The following LUZP1 variants were observed in gnomAD, a reference collection of about 807,000 sequenced individuals.
LUZP1 encodes filamin mechanobinding actin cross-linking protein.
Under a neutral mutation model 71.3 loss-of-function variants are expected in LUZP1, and 25 were observed. The observed-to-expected ratio is 0.35, with a 90% CI of 0.26 to 0.49. The LOEUF is 0.49. Among genes scored for constraint, LUZP1 ranks in the 20% least tolerant of loss-of-function variants. The pLI, the probability that LUZP1 is intolerant of heterozygous loss-of-function variation, is 0.99. For synonymous variants in LUZP1, 481 were observed against 506.4 expected (o/e 0.95, Z 0.67); for missense variants, 1,142 against 1,300.8 (o/e 0.88, Z 1.88).
At chr1:23,121,324 T>A (rs1289882462) in intron 2 of LUZP1, among the ~76,000 whole-genome samples, 1 of 152,240 alleles carries the variant, frequency 6.6e-6, no homozygotes, top group Non-Finnish European at 1.5e-5. Context: ...CATCTTCTAG[T>A]TAATTTACAT....
exon 4 of LUZP1, chr1:23,092,216 T>C: frequency 6.2e-7 from 1 of 1,614,190 alleles, no homozygotes; most frequent in Non-Finnish European, 8.5e-7. Flanking sequence ...GTTTGGGCTC[T>C]GGCTCTGGAG....
chr1:23,173,478 C>G (rs1471444049), intron 1 of LUZP1, among the ~76,000 whole-genome samples: 2 of 150,780 alleles, frequency 1.3e-5, no homozygotes, highest in Admixed American at 1.3e-4. Flanking sequence ...CTCAGCCTCC[C>G]AAGTAGCTGG....
At chr1:23,098,638 C>T (rs1263244563) in intron 3 of LUZP1, among the ~76,000 whole-genome samples, 6 of 151,998 alleles carry the variant, frequency 3.9e-5, no homozygotes, top group African/African-American at 9.7e-5. Context: ...CTCAGGGCGT[C>T]GACAGACGGC....
intron 2 of LUZP1, among the ~76,000 whole-genome samples, chr1:23,160,382 C>T (rs1002208378): frequency 1.1e-4 from 16 of 152,124 alleles, no homozygotes; most frequent in African/African-American, 3.9e-4. Flanking sequence ...TTAGTAATTC[C>T]AATCTGAGAA....
intron 2 of LUZP1, among the ~76,000 whole-genome samples, chr1:23,119,519 T>G (rs1248019132): frequency 6.6e-6 from 1 of 152,172 alleles, no homozygotes; most frequent in Non-Finnish European, 1.5e-5. Context: ...AGATATCTCT[T>G]ACAACTTTTA....
intron 3 of LUZP1, among the ~76,000 whole-genome samples, chr1:23,108,718 T>C (rs1403732671): frequency 6.6e-6 from 1 of 152,228 alleles, no homozygotes; most frequent in African/African-American, 2.4e-5. Context: ...CAACAGTACT[T>C]ACCTCACAGG....
At chr1:23,112,142 AC>A (rs1569590254) in intron 2 of LUZP1, among the ~76,000 whole-genome samples, 1 of 152,224 alleles carries the variant, frequency 6.6e-6, no homozygotes, top group Non-Finnish European at 1.5e-5. Context: ...GTAAGCAGTA[AC>A]TGATTTCTTT....
At chr1:23,156,216 C>A (rs112711345) in intron 2 of LUZP1, among the ~76,000 whole-genome samples, 69 of 151,988 alleles carry the variant, frequency 4.5e-4, no homozygotes, top group African/African-American at 1.6e-3. Context: ...CCTGTCTCTA[C>A]TAAAAATACA....
At chr1:23,171,450 C>T (rs573748893) in intron 1 of LUZP1, among the ~76,000 whole-genome samples, 1 of 152,216 alleles carries the variant, frequency 6.6e-6, no homozygotes, top group African/African-American at 2.4e-5. Flanking sequence ...ACAGCTGACC[C>T]ATTTCTGCTT....
At position 23,091,239 on chromosome 1, in the gene LUZP1, C is replaced by T. The variant is rs148668095; in HGVS notation, c.3023G>A (p.Arg1008Gln). The T allele has an allele frequency of 3.7e-5, 60 of 1,613,408 alleles. No homozygotes were observed. The highest frequency in any genetic ancestry group is 2.5e-4 in the African/African-American group (19 of 74,888). Residue 1008 changes from arginine (R) to glutamine (Q), a missense_variant, in exon 4 of 5, where the codon CGG becomes CAG. Physicochemically the swap from Arg to Gln is conservative, Grantham distance 43. Transcript: ENST00000302291. ...TGCGACAGTGATGGTGTCTCCTACC[C>T]GATTCCGACGGGTAAGCACCTCTGA...
At chr1:23,134,373 T>G (rs1417626441) in intron 2 of LUZP1, among the ~76,000 whole-genome samples, 1 of 151,738 alleles carries the variant, frequency 6.6e-6, no homozygotes, top group Admixed American at 6.6e-5. Context: ...ACCCAGCTAC[T>G]CAGGAGGCTA....
At chr1:23,167,997 T>G (rs1644524062) in intron 2 of LUZP1, among the ~76,000 whole-genome samples, 1 of 150,884 alleles carries the variant, frequency 6.6e-6, no homozygotes, top group Non-Finnish European at 1.5e-5. Flanking sequence ...CCCTGCAGAT[T>G]CCACCATTAA....
At chr1:23,099,904 C>T (rs1398903869) in intron 3 of LUZP1, among the ~76,000 whole-genome samples, 1 of 152,188 alleles carries the variant, frequency 6.6e-6, no homozygotes, top group Admixed American at 6.5e-5. Context: ...CCCCGCCAGC[C>T]TCTTCATCTA....
At chr1:23,087,362 T>C (rs1336386153) in exon 5 of LUZP1, 1 of 152,176 alleles carries the variant, frequency 6.6e-6, no homozygotes, top group East Asian at 1.9e-4. Context: ...AATCATCCCA[T>C]ACTATTATAG....
At chr1:23,144,452 T>C (rs1336522580) in intron 2 of LUZP1, among the ~76,000 whole-genome samples, 2 of 152,206 alleles carry the variant, frequency 1.3e-5, no homozygotes, top group African/African-American at 4.8e-5. Flanking sequence ...GGGATTCTAT[T>C]AAATCCATTT....
At chr1:23,105,593 G>A (rs1643974470) in intron 3 of LUZP1, among the ~76,000 whole-genome samples, 1 of 152,168 alleles carries the variant, frequency 6.6e-6, no homozygotes, top group Non-Finnish European at 1.5e-5. Flanking sequence ...TATAGTAAGT[G>A]TCATGTAAGT....
intron 4 of LUZP1, 30 bp from the exon 4 acceptor site, chr1:23,089,083 T>C: frequency 6.2e-7 from 1 of 1,610,200 alleles, no homozygotes; most frequent in Non-Finnish European, 8.5e-7. Flanking sequence ...AAGTGAGCTG[T>C]GGAGGTCAGT....
chr1:23,093,765 T>C lies in LUZP1; in HGVS notation c.497A>G (p.Glu166Gly). 1 of 1,613,964 alleles carries C rather than the reference T, an allele frequency of 6.2e-7. No homozygotes were observed. Among genetic ancestry groups the C allele is most frequent in the Non-Finnish European group, 8.5e-7 (1 of 1,180,036 alleles). The change falls in exon 4 of 5, where the codon GAA becomes GGA. Residue 166 changes from glutamate to glycine, a missense_variant. Glu to Gly is a moderately conservative substitution (Grantham distance 98). Transcript: ENST00000302291. The surrounding 1 kb of genome is among the most constrained non-coding windows in gnomAD (Gnocchi z 4.2). ...TTTATCCAGGCGGTCCTCAGAAGAT[T>C]CTAGTTCTTTCACTTTGACTCTGAG...
intron 2 of LUZP1, among the ~76,000 whole-genome samples, chr1:23,165,254 A>G (rs923829724): frequency 2.6e-5 from 4 of 152,202 alleles, no homozygotes; most frequent in Non-Finnish European, 5.9e-5. Flanking sequence ...AAAAAAATAA[A>G]CACAGTGGTG....
Sources: gnomAD v4.1 joint callset for allele counts (sites outside exome capture counted in the v4.1 genomes callset) on GRCh38, gnomAD v4.1.1 for gene constraint, Gnocchi (gnomAD v3.1) non-coding constraint, MANE v1.5 for transcripts, NCBI Gene and HGNC (gene_info 2026-07-23, HGNC 2026-07-21) for gene names.